The following MRGPRX4 variants were observed in gnomAD, a reference collection of about 807,000 sequenced individuals.
MRGPRX4 encodes the protein mas-related G protein-coupled receptor member X4.
In MRGPRX4, 13 loss-of-function variants were observed where a neutral mutation model predicts 17.8. The ratio of observed to expected loss-of-function variants is 0.73; its 90% CI spans 0.48 to 1.16. The LOEUF (loss-of-function observed/expected upper bound fraction) is 1.16, where lower values mean the gene tolerates loss of function less well. MRGPRX4 is among the 50% of genes most tolerant of loss of function. MRGPRX4 has a pLI of 0.00. For missense variants in MRGPRX4, 399 were observed against 405.0 expected (o/e 0.99, Z 0.13); for synonymous variants, 192 against 175.3 (o/e 1.10, Z -0.75).
Position 18,173,923 on chromosome 11 carries a change from C to T in MRGPRX4, c.667C>T (p.Leu223=). ...RLYVTILLTV[L]VFLLCGLPFG... ...GTACGTGACCATCCTGCTCACAGTG[C>T]TGGTCTTCCTCCTCTGCGGCCTGCC... is the stretch of plus-strand genomic sequence containing the variant. The change falls in exon 1 of 1, where the codon CTG becomes TTG. Residue 223 remains leucine, a synonymous_variant. Transcript: ENST00000314254. The T allele has an allele frequency of 6.2e-7, 1 of 1,614,174 alleles. No individual in the cohort carries two copies. Among genetic ancestry groups the T allele is most frequent in the African/African-American group, 1.3e-5 (1 of 75,036 alleles).
chr11:18,174,247 G>T lies in MRGPRX4; in HGVS notation c.*22G>T. 1 of 1,593,780 alleles carries T rather than the reference G, an allele frequency of 6.3e-7. No individual in the cohort carries two copies. Among genetic ancestry groups the T allele is most frequent in the Non-Finnish European group, 8.6e-7 (1 of 1,169,240 alleles). On this transcript the variant is annotated 3_prime_UTR_variant, in exon 1 of 1. Transcript: ENST00000314254. ...ATGAGGGAGAGCCTCTGCCCTGTCAGTCAGACGGGACTTTGAGAGCAACAC... is the reference window on the plus strand; with the variant it reads ...ATGAGGGAGAGCCTCTGCCCTGTCATTCAGACGGGACTTTGAGAGCAACAC...
At position 18,173,995 on chromosome 11, in the gene MRGPRX4, G is replaced by A. The variant is rs769311846; in HGVS notation, c.739G>A (p.Glu247Lys). 8.7e-6 allele frequency: 14 copies of A among 1,614,088 alleles called. No homozygotes were observed. Among genetic ancestry groups the A allele is most frequent in the Admixed American group, 6.7e-5 (4 of 59,994 alleles). ...AATTTACAGGATGCACCTGAATTTG[G>A]AAGTCTTATATTGTCATGTTTATCT... ...ALIYRMHLNL[E>K]VLYCHVYLVC... Residue 247 changes from glutamate (E) to lysine (K), a missense_variant, in exon 1 of 1, where the codon GAA (glutamate) becomes AAA (lysine). Transcript: ENST00000314254.
Position 18,173,399 on chromosome 11 carries a change from T to C in MRGPRX4, c.143T>C (p.Val48Ala), listed in dbSNP as rs773866255. 1 of 1,614,122 alleles carries C rather than the reference T, an allele frequency of 6.2e-7. No individual in the cohort carries two copies. The highest frequency in any genetic ancestry group is 8.5e-7 in the Non-Finnish European group (1 of 1,179,966). Residue 48 changes from valine (V) to alanine (A), a missense_variant, in exon 1 of 1, where the codon GTG (valine) becomes GCG (alanine). By Grantham distance (64) the Val-to-Ala change is moderately conservative. Coordinates refer to ENST00000314254, the MANE Select transcript of MRGPRX4 (RefSeq NM_054032.3). ...SLVGLTGNAV[V>A]LWLLGYRMRR... ...GTCGGACTGACAGGAAACGCGGTTG[T>C]GCTCTGGCTCCTGGGCTACCGCATG...
Position 18,172,859 on chromosome 11 carries a change from T to A in MRGPRX4, c.-398T>A, listed in dbSNP as rs1363549224. 5.5e-6 allele frequency: 1 copy of A among 182,910 alleles called. No individual in the cohort carries two copies. The highest frequency in any genetic ancestry group is 1.1e-5 in the Non-Finnish European group (1 of 87,516). The allele number at this position is 182,910 out of a possible 1,614,324, so 11.3% of individuals were successfully genotyped here. A position where few individuals can be genotyped will look rare whatever the true frequency, so the allele number is the denominator to read the frequency against. On this transcript the variant is annotated 5_prime_UTR_variant, in exon 1 of 1. Transcript: ENST00000314254. ...TTCCTTCCTGTCCATGGATGACCAG[T>A]CCTAGTCACGAGTGTGTCACAACCA... is the stretch of plus-strand genomic sequence containing the variant.
rs994160742 is a variant in MRGPRX4 at position 18,173,934 on chromosome 11, C to T, written c.678C>T (p.Leu226=). The T allele has an allele frequency of 1.2e-6, 2 of 1,614,104 alleles. No homozygotes were observed. The highest frequency in any genetic ancestry group is 1.3e-5 in the African/African-American group (1 of 74,942). The change falls in exon 1 of 1, where the codon CTC becomes CTT. Residue 226 remains leucine, a synonymous_variant. Transcript: ENST00000314254. ...TCCTGCTCACAGTGCTGGTCTTCCT[C>T]CTCTGCGGCCTGCCCTTCGGCATTC... ...VTILLTVLVF[L]LCGLPFGILG... is the part of the protein sequence containing the mutation.
In MRGPRX4 at chr11:18,173,834, T is replaced by A. The variant is rs370145178; in HGVS notation, c.578T>A (p.Val193Asp). The A allele has an allele frequency of 9.5e-5, 154 of 1,614,076 alleles. No individual in the cohort carries two copies. Among genetic ancestry groups the A allele is most frequent in the Non-Finnish European group, 1.2e-4 (145 of 1,180,044 alleles). The stretch of plus-strand genomic sequence containing the variant: ...ATTTTTTTATGTGTGGTTCTCTGTG[T>A]TTCCAGCCTGGTCCTGCTGGTCAGG... ...WLIFLCVVLC[V>D]SSLVLLVRIL... The change falls in exon 1 of 1, where the codon GTT (valine) becomes GAT (aspartate). Residue 193 changes from valine to aspartate, a missense_variant. Physicochemically the swap from Val to Asp is radical, Grantham distance 152. Coordinates refer to ENST00000314254, the MANE Select transcript of MRGPRX4 (RefSeq NM_054032.3).
chr11:18,173,550 C>T lies in MRGPRX4; in HGVS notation c.294C>T (p.Leu98=), dbSNP rs267602809. ...TCAGCCATCTCATCCGCAAAATCCT[C>T]GTTTCTGTGATGACCTTTCCCTACT... The part of the protein sequence containing the change: ...INISHLIRKI[L]VSVMTFPYFT... Residue 98 remains leucine, a synonymous_variant, in exon 1 of 1, where the codon CTC becomes CTT. Coordinates refer to ENST00000314254, the MANE Select transcript of MRGPRX4 (RefSeq NM_054032.3). 5 of 1,614,136 alleles carry T rather than the reference C, an allele frequency of 3.1e-6. No homozygotes were observed. The highest frequency in any genetic ancestry group is 1.1e-5 in the South Asian group (1 of 91,080).
In MRGPRX4 at chr11:18,173,308, C is replaced by A. The variant is rs1240011242; in HGVS notation, c.52C>A (p.Arg18Ser). The change falls in exon 1 of 1, where the codon CGT becomes AGT. Residue 18 changes from arginine to serine, a missense_variant. Coordinates refer to ENST00000314254, the MANE Select transcript of MRGPRX4 (RefSeq NM_054032.3). ...TACAAAACTGACACCAATCAACGGA[C>A]GTGAGGAGACTCCTTGCTACAATCA... ...FGTKLTPING[R>S]EETPCYNQTL... is the part of the protein sequence containing the mutation. The A allele has an allele frequency of 6.2e-7, 1 of 1,613,736 alleles. No homozygotes were observed. The highest frequency in any genetic ancestry group is 8.5e-7 in the Non-Finnish European group (1 of 1,179,802).
rs184485871 is a variant in MRGPRX4, at chr11:18,173,882, T to C, written c.626T>C (p.Met209Thr). 3 of 1,614,160 alleles carry C rather than the reference T, an allele frequency of 1.9e-6. No individual in the cohort carries two copies. The highest frequency in any genetic ancestry group is 2.7e-5 in the African/African-American group (2 of 75,056). Residue 209 changes from methionine (M) to threonine (T), a missense_variant, in exon 1 of 1, where the codon ATG becomes ACG. By Grantham distance (81) the Met-to-Thr change is moderately conservative. Transcript: ENST00000314254. ...AGGATCCTCTGTGGATCCCGGAAGA[T>C]GCCGCTGACCAGGCTGTACGTGACC... The part of the protein sequence containing the change: ...LVRILCGSRK[M>T]PLTRLYVTIL...
In MRGPRX4 at chr11:18,173,387, G is replaced by A; in HGVS notation, c.131G>A (p.Gly44Glu). The A allele has an allele frequency of 6.2e-7, 1 of 1,614,190 alleles. No individual in the cohort carries two copies. Among genetic ancestry groups the A allele is most frequent in the South Asian group, 1.1e-5 (1 of 91,080 alleles). ...TCIISLVGLTGNAVVLWLLGY... is the reference protein window; with the variant it reads ...TCIISLVGLTENAVVLWLLGY... ...ATCATTTCCCTTGTCGGACTGACAG[G>A]AAACGCGGTTGTGCTCTGGCTCCTG... Residue 44 changes from glycine (G) to glutamate (E), a missense_variant, in exon 1 of 1, where the codon GGA becomes GAA. Coordinates refer to ENST00000314254, the MANE Select transcript of MRGPRX4 (RefSeq NM_054032.3).
rs1282005037 is a variant in MRGPRX4 at position 18,174,210 on chromosome 11, C to T, written c.954C>T (p.Ser318=). ...LPEESLELSG[S]RLGP ...AGGAAAGCCTGGAGCTGTCGGGAAG[C>T]AGATTGGGGCCATGAGGGAGAGCCT... The change falls in exon 1 of 1, where the codon AGC becomes AGT. Residue 318 remains serine (S), a synonymous_variant. Transcript: ENST00000314254. 1.2e-6 allele frequency: 2 copies of T among 1,612,512 alleles called. No homozygotes were observed. Among genetic ancestry groups the T allele is most frequent in the African/African-American group, 2.7e-5 (2 of 74,836 alleles).
rs1849333483 is a variant in MRGPRX4, at chr11:18,172,887, T to C, written c.-370T>C. ...TAGTCACGAGTGTGTCACAACCACC[T>C]CTTTGTGTATCTGAATTCCTCCACC... is the stretch of plus-strand genomic sequence containing the variant. On this transcript the variant is annotated 5_prime_UTR_variant, in exon 1 of 1. Transcript: ENST00000314254. 5.0e-6 allele frequency: 1 copy of C among 200,570 alleles called. No homozygotes were observed. Among genetic ancestry groups the C allele is most frequent in the Admixed American group, 5.3e-5 (1 of 18,814 alleles). The allele number at this position is 200,570 out of a possible 1,614,324, so 12.4% of individuals were successfully genotyped here.
chr11:18,174,196 G>A lies in MRGPRX4; in HGVS notation c.940G>A (p.Glu314Lys). Residue 314 changes from glutamate to lysine, a missense_variant, in exon 1 of 1, where the codon GAG becomes AAG. By Grantham distance (56) the Glu-to-Lys change is moderately conservative. Transcript: ENST00000314254. ...GEGQLPEESL[E>K]LSGSRLGP ...AGGGCAGCTTCCTGAGGAAAGCCTG[G>A]AGCTGTCGGGAAGCAGATTGGGGCC... 1.2e-6 allele frequency: 2 copies of A among 1,613,780 alleles called. No individual in the cohort carries two copies. Among genetic ancestry groups the A allele is most frequent in the African/African-American group, 1.3e-5 (1 of 75,000 alleles).
rs1849351873 is a variant in MRGPRX4, at chr11:18,174,242, T to C, written c.*17T>C. ...GGGCCATGAGGGAGAGCCTCTGCCC[T>C]GTCAGTCAGACGGGACTTTGAGAGC... On this transcript the variant is annotated 3_prime_UTR_variant, in exon 1 of 1. Coordinates refer to ENST00000314254, the MANE Select transcript of MRGPRX4 (RefSeq NM_054032.3). 1.3e-6 allele frequency: 2 copies of C among 1,596,822 alleles called. No individual in the cohort carries two copies. The highest frequency in any genetic ancestry group is 1.7e-5 in the Admixed American group (1 of 57,428).
chr11:18,172,976 G>A lies in MRGPRX4; in HGVS notation c.-281G>A. ...GGTCCAAAGCCCTGGCCGGATGAGTGGGGGTGTTTTGATCCTAATGTTATT... is the reference window on the plus strand; with the variant it reads ...GGTCCAAAGCCCTGGCCGGATGAGTAGGGGTGTTTTGATCCTAATGTTATT... On this transcript the variant is annotated 5_prime_UTR_variant, in exon 1 of 1. Coordinates refer to ENST00000314254, the MANE Select transcript of MRGPRX4 (RefSeq NM_054032.3). 2.5e-6 allele frequency: 1 copy of A among 398,132 alleles called. No individual in the cohort carries two copies. Among genetic ancestry groups the A allele is most frequent in the Non-Finnish European group, 4.5e-6 (1 of 223,098 alleles). The allele number at this position is 398,132 out of a possible 1,614,324, so 24.7% of individuals were successfully genotyped here.
Position 18,173,794 on chromosome 11 carries a change from C to G in MRGPRX4, c.538C>G (p.Pro180Ala). 1 of 1,613,356 alleles carries G rather than the reference C, an allele frequency of 6.2e-7. No homozygotes were observed. Among genetic ancestry groups the G allele is most frequent in the Non-Finnish European group, 8.5e-7 (1 of 1,179,360 alleles). ...SSWCETSDFI[P>A]VAWLIFLCVV... ...TTGGTGTGAAACGTCAGATTTCATC[C>G]CAGTCGCGTGGCTGATTTTTTTATG... is the stretch of plus-strand genomic sequence containing the variant. Residue 180 changes from proline (P) to alanine (A), a missense_variant, in exon 1 of 1, where the codon CCA becomes GCA. Physicochemically the swap from Pro to Ala is conservative, Grantham distance 27. Coordinates refer to ENST00000314254, the MANE Select transcript of MRGPRX4 (RefSeq NM_054032.3).
Position 18,174,042 on chromosome 11 carries a change from T to C in MRGPRX4, c.786T>C (p.Ser262=). 6.2e-7 allele frequency: 1 copy of C among 1,614,228 alleles called. No homozygotes were observed. The highest frequency in any genetic ancestry group is 8.5e-7 in the Non-Finnish European group (1 of 1,180,036). The change falls in exon 1 of 1, where the codon TCT becomes TCC. Residue 262 remains serine, a synonymous_variant. Coordinates refer to ENST00000314254, the MANE Select transcript of MRGPRX4 (RefSeq NM_054032.3). ...ATCTGGTTTGCATGTCCCTGTCCTC[T>C]CTAAACAGTAGTGCCAACCCCATCA... ...HVYLVCMSLS[S]LNSSANPIIY... is the part of the protein sequence containing the mutation.
In MRGPRX4 at chr11:18,173,614, C is replaced by A. The variant is rs1441730018; in HGVS notation, c.358C>A (p.Arg120Ser). The change falls in exon 1 of 1, where the codon CGC becomes AGC. Residue 120 changes from arginine to serine, a missense_variant. Physicochemically the swap from Arg to Ser is moderately radical, Grantham distance 110 (BLOSUM62 -1). Coordinates refer to ENST00000314254, the MANE Select transcript of MRGPRX4 (RefSeq NM_054032.3). ...TATGCTGAGCGCCATCAGCACCGAGCGCTGCCTGTCTGTTCTGTGGCCCAT... is the reference window on the plus strand; with the variant it reads ...TATGCTGAGCGCCATCAGCACCGAGAGCTGCCTGTCTGTTCTGTGGCCCAT... ...LSMLSAISTE[R>S]CLSVLWPIWY... is the part of the protein sequence containing the mutation. 3 of 1,614,058 alleles carry A rather than the reference C, an allele frequency of 1.9e-6. No homozygotes were observed. Among genetic ancestry groups the A allele is most frequent in the Admixed American group, 1.7e-5 (1 of 59,992 alleles).
chr11:18,173,406 G>C lies in MRGPRX4; in HGVS notation c.150G>C (p.Trp50Cys), dbSNP rs370822483. Residue 50 changes from tryptophan (W) to cysteine (C), a missense_variant, in exon 1 of 1, where the codon TGG becomes TGC. By Grantham distance (215) the Trp-to-Cys change is radical. Transcript: ENST00000314254. ...TGACAGGAAACGCGGTTGTGCTCTGGCTCCTGGGCTACCGCATGCGCAGGA... is the reference window on the plus strand; with the variant it reads ...TGACAGGAAACGCGGTTGTGCTCTGCCTCCTGGGCTACCGCATGCGCAGGA... The part of the protein sequence containing the change: ...VGLTGNAVVL[W>C]LLGYRMRRNA... 5.0e-6 allele frequency: 8 copies of C among 1,614,056 alleles called. No homozygotes were observed. In the African/African-American group the frequency reaches 1.1e-4, roughly 22 times the overall value.
Sources: allele counts gnomAD v4.1 joint callset, GRCh38; gene constraint gnomAD v4.1.1; transcripts MANE v1.5; gene names NCBI Gene and HGNC (gene_info 2026-07-23, HGNC 2026-07-21).